Variants in FA2H observed in about 807,000 individuals in gnomAD.
FA2H encodes fatty acid alpha-hydroxylase.
Under a neutral mutation model 44.9 loss-of-function variants are expected in FA2H, and 22 were observed. The observed-to-expected ratio is 0.49, with a 90% CI of 0.35 to 0.70. The LOEUF is 0.70. Ranked by LOEUF, FA2H falls within the 30% of genes least tolerant of loss-of-function variation. The pLI is 0.01. For synonymous variants in FA2H, 243 were observed against 213.2 expected (o/e 1.14, Z -1.22); for missense variants, 501 against 504.9 (o/e 0.99, Z 0.07).
intron 2 of FA2H, among the ~76,000 whole-genome samples, chr16:74,736,238 G>A (rs752891466): frequency 6.6e-6 from 1 of 152,192 alleles, no homozygotes; most frequent in Non-Finnish European, 1.5e-5. Flanking sequence ...GGGACTCTAA[G>A]CCCAGTATGG....
chr16:74,771,053 T>C (rs1195351185), intron 1 of FA2H, among the ~76,000 whole-genome samples: 2 of 152,066 alleles, frequency 1.3e-5, no homozygotes, highest in African/African-American at 4.8e-5. Flanking sequence ...CTCAGGATGG[T>C]GTTGCGAGGA....
At chr16:74,767,630 C>A (rs1962833525) in intron 1 of FA2H, among the ~76,000 whole-genome samples, 1 of 152,126 alleles carries the variant, frequency 6.6e-6, no homozygotes, top group South Asian at 2.1e-4. Flanking sequence ...GATGAGATTG[C>A]TGGCTGGGCC....
At chr16:74,774,099 A>C (rs539753496) in intron 1 of FA2H, among the ~76,000 whole-genome samples, 3 of 152,244 alleles carry the variant, frequency 2.0e-5, no homozygotes, top group Admixed American at 1.3e-4. Context: ...GAGTGGTTGC[A>C]AAGAGGGAGA....
intron 2 of FA2H, among the ~76,000 whole-genome samples, chr16:74,736,593 T>A (rs141393565): frequency 6.6e-6 from 1 of 152,282 alleles, no homozygotes; most frequent in Non-Finnish European, 1.5e-5. Context: ...GACAGGGAGT[T>A]TGGGGATGCC....
At chr16:74,737,198 A>C (rs2144630235) in intron 2 of FA2H, among the ~76,000 whole-genome samples, 1 of 152,210 alleles carries the variant, frequency 6.6e-6, no homozygotes, top group East Asian at 1.9e-4. Flanking sequence ...TCCGAAAAGG[A>C]CATGGCGAAG....
chr16:74,769,598 A>G (rs1005712009), intron 1 of FA2H, among the ~76,000 whole-genome samples: 4 of 152,218 alleles, frequency 2.6e-5, no homozygotes, highest in African/African-American at 7.2e-5. Context: ...ACTGGGGGGA[A>G]AAAAACCTGG....
In FA2H at chr16:74,714,156, C is replaced by T. The variant is rs75856125; in HGVS notation, c.*34G>A. 1,579 of 1,428,696 alleles carry T rather than the reference C, an allele frequency of 1.1e-3. 14 individuals are homozygous for T. The African/African-American group carries it at 0.019, about 17-fold the overall frequency. The allele number at this position is 1,428,696 out of a possible 1,614,324, so 88.5% of individuals were successfully genotyped here. On this transcript the variant is annotated 3_prime_UTR_variant, in exon 7 of 7. Coordinates refer to ENST00000219368, the MANE Select transcript of FA2H (RefSeq NM_024306.5). ...GTGGGGGTCGGGAAGGGGCCAGGGC[C>T]GGGCTGAGGGCAGGACGGAGGGGGT...
At chr16:74,769,652 A>G (rs1962869354) in intron 1 of FA2H, among the ~76,000 whole-genome samples, 1 of 152,212 alleles carries the variant, frequency 6.6e-6, no homozygotes, top group African/African-American at 2.4e-5. Context: ...ACACAGTAAT[A>G]TAGCCTGGGA....
At position 74,774,659 on chromosome 16, in the gene FA2H, G is replaced by A; in HGVS notation, c.97C>T (p.Leu33Phe). Residue 33 changes from leucine to phenylalanine, a missense_variant, in exon 1 of 7, where the codon CTC becomes TTC. Transcript: ENST00000219368. ...CGCACGAAGCTGGAGAGGTCGTAGAGGCGGGCCCCGCGGCGGACCCAGCAC... is the reference window on the plus strand; with the variant it reads ...CGCACGAAGCTGGAGAGGTCGTAGAAGCGGGCCCCGCGGCGGACCCAGCAC... ...GACWVRRGAR[L>F]YDLSSFVRHH... The A allele has an allele frequency of 6.9e-7, 1 of 1,442,684 alleles. No homozygotes were observed. Among genetic ancestry groups the A allele is most frequent in the South Asian group, 1.4e-5 (1 of 71,142 alleles). 89.4% of individuals were successfully genotyped at this position (1,442,684 alleles called of 1,614,324 possible).
chr16:74,739,978 C>T, intron 2 of FA2H, 45 bp downstream of exon 2: 2 of 1,434,324 alleles, frequency 1.4e-6, no homozygotes, highest in Admixed American at 3.3e-5. Context: ...CTCCTCATTC[C>T]CGCCAGCCCC....
At chr16:74,740,987 C>T (rs1449973527) in intron 1 of FA2H, among the ~76,000 whole-genome samples, 4 of 152,192 alleles carry the variant, frequency 2.6e-5, no homozygotes, top group East Asian at 1.9e-4. Context: ...AGCAGCCACA[C>T]GTGGGGTGGG....
At chr16:74,762,890 C>G (rs965958225) in intron 1 of FA2H, among the ~76,000 whole-genome samples, 1 of 152,160 alleles carries the variant, frequency 6.6e-6, no homozygotes, top group Non-Finnish European at 1.5e-5. Flanking sequence ...CTACTTGGGT[C>G]TAAGGAACAA....
In FA2H at chr16:74,729,084, C is replaced by T. The variant is rs531773125; in HGVS notation, c.364-1698G>A. On this transcript the variant is annotated intron_variant, in intron 2 of 6. Transcript: ENST00000219368. Reference sequence around the variant, plus strand: ...GGAGTGCAGTGGCACGATCTCAGCTCACTGCAACCTCCGCCTCCCGGGTTC... The same window carrying T: ...GGAGTGCAGTGGCACGATCTCAGCTTACTGCAACCTCCGCCTCCCGGGTTC... Among the ~76,000 whole-genome samples the T allele has an allele frequency of 2.8e-5, 4 of 144,348 alleles. No homozygotes were observed. The South Asian group carries it at 8.8e-4, about 32-fold the overall frequency. 94.7% of individuals were successfully genotyped at this position (144,348 alleles called of 152,430 possible). A position where few individuals can be genotyped will look rare whatever the true frequency, so the allele number is the denominator to read the frequency against.
At chr16:74,719,791 A>G (rs1367445164) in intron 4 of FA2H, among the ~76,000 whole-genome samples, 2 of 152,084 alleles carry the variant, frequency 1.3e-5, no homozygotes, top group Non-Finnish European at 2.9e-5. Flanking sequence ...CCCAGACTCA[A>G]GCAATTCTCT....
intron 1 of FA2H, among the ~76,000 whole-genome samples, chr16:74,740,569 G>A (rs1962273033): frequency 1.3e-5 from 2 of 150,502 alleles, no homozygotes; most frequent in South Asian, 4.2e-4. Flanking sequence ...GCAGTGAGCC[G>A]AGATCCAGCC....
At chr16:74,726,127 TG>T in intron 4 of FA2H, 97 bp downstream of exon 4, 1 of 799,702 alleles carries the variant, frequency 1.3e-6, no homozygotes, top group Non-Finnish European at 2.2e-6. Flanking sequence ...TGATGTAGTT[TG>T]GGGTTCTGTG....
At chr16:74,772,421 C>T (rs895698760) in intron 1 of FA2H, among the ~76,000 whole-genome samples, 2 of 152,212 alleles carry the variant, frequency 1.3e-5, no homozygotes, top group East Asian at 1.9e-4. Context: ...TGTGTGTTCC[C>T]TCTCCTTCCC....
At chr16:74,731,725 G>A (rs1962075058) in intron 2 of FA2H, among the ~76,000 whole-genome samples, 1 of 152,038 alleles carries the variant, frequency 6.6e-6, no homozygotes, top group South Asian at 2.1e-4. Context: ...CCTTTGTCTT[G>A]TTTGTATGAA....
intron 1 of FA2H, among the ~76,000 whole-genome samples, chr16:74,769,717 G>C (rs903166579): frequency 5.3e-5 from 8 of 152,144 alleles, no homozygotes; most frequent in Non-Finnish European, 1.0e-4. Context: ...GAAAAATGCC[G>C]GTCGCAGCTC....
Sources: allele counts gnomAD v4.1 joint callset (sites outside exome capture counted in the v4.1 genomes callset), GRCh38; gene constraint gnomAD v4.1.1; transcripts MANE v1.5; gene names NCBI Gene and HGNC (gene_info 2026-07-23, HGNC 2026-07-21).